Variants in UST observed in about 807,000 individuals in gnomAD.
The protein encoded by UST is uronyl 2-sulfotransferase, also known as chondroitin sulfate 2-O-sulfotransferase.
A neutral mutation model predicts 45.6 loss-of-function variants in UST; 21 were observed. The ratio of observed to expected loss-of-function variants is 0.46; its 90% CI spans 0.33 to 0.66. The LOEUF (loss-of-function observed/expected upper bound fraction) is 0.66, where lower values mean the gene tolerates loss of function less well. Ranked by LOEUF, UST falls within the 30% of genes least tolerant of loss-of-function variation. The pLI is 0.02. For missense variants in UST, 463 were observed against 512.4 expected (o/e 0.90, Z 0.93); for synonymous variants, 215 against 200.6 (o/e 1.07, Z -0.61).
intron 1 of UST, among the ~76,000 whole-genome samples, chr6:148,762,675 A>G (rs924502916): frequency 6.6e-5 from 10 of 151,964 alleles, no homozygotes; most frequent in Admixed American, 1.3e-4. Flanking sequence ...TAATTTTTCA[A>G]TCATCAAGCC....
chr6:148,970,578 CA>C (rs1191811527), intron 5 of UST, among the ~76,000 whole-genome samples: 5 of 152,128 alleles, frequency 3.3e-5, no homozygotes. Context: ...GGAATGAAGA[CA>C]AAAGGATTGC....
intron 3 of UST, among the ~76,000 whole-genome samples, chr6:148,945,992 C>G (rs1031565985): frequency 1.3e-5 from 2 of 152,118 alleles, no homozygotes; most frequent in Admixed American, 1.3e-4. Context: ...GCCCATGTGC[C>G]CTAGATAGCT....
In UST at chr6:148,836,508, A is replaced by T. The variant is rs148726724; in HGVS notation, c.248-50478A>T. ...AACTGATTCCAGCGTTCAGGCACGAACCTTTTCGCTGAGTCGCCTTGGGCC... is the reference window on the plus strand; with the variant it reads ...AACTGATTCCAGCGTTCAGGCACGATCCTTTTCGCTGAGTCGCCTTGGGCC... On this transcript the variant is annotated intron_variant, in intron 1 of 7. Coordinates refer to ENST00000367463, the MANE Select transcript of UST (RefSeq NM_005715.3). 1.1e-4 allele frequency among the ~76,000 whole-genome samples: 17 copies of T among 152,276 alleles called. No homozygotes were observed. The East Asian group carries it at 3.1e-3, about 28-fold the overall frequency.
At chr6:149,065,314 T>C (rs1286896644) in intron 7 of UST, among the ~76,000 whole-genome samples, 2 of 152,198 alleles carry the variant, frequency 1.3e-5, no homozygotes, top group African/African-American at 4.8e-5. Context: ...CCATGTAGCT[T>C]TGTTTTGTTT....
chr6:148,985,867 CAGAT>C (rs1781229799), intron 5 of UST, among the ~76,000 whole-genome samples: 1 of 152,124 alleles, frequency 6.6e-6, no homozygotes, highest in Non-Finnish European at 1.5e-5. Context: ...CTTCAAGATG[CAGAT>C]ACCAAGATGA....
intron 5 of UST, among the ~76,000 whole-genome samples, chr6:149,001,450 T>A (rs1434398180): frequency 1.2e-4 from 18 of 152,160 alleles, no homozygotes; most frequent in Non-Finnish European, 1.5e-5. Context: ...ACACAAGTAT[T>A]TTAGAGTGAA....
chr6:148,900,726 C>G (rs1273470103), intron 2 of UST, among the ~76,000 whole-genome samples: 1 of 152,204 alleles, frequency 6.6e-6, no homozygotes, highest in East Asian at 1.9e-4. Flanking sequence ...ACAATTACAG[C>G]AAGCTTAGTA....
chr6:148,862,068 C>G (rs894970997), intron 1 of UST, among the ~76,000 whole-genome samples: 1 of 150,884 alleles, frequency 6.6e-6, no homozygotes, highest in African/African-American at 2.4e-5. Flanking sequence ...CTTTCTGTCT[C>G]ATGGATCTGT....
rs1245113678 is a variant in UST, at chr6:148,748,539, G to A, written c.247+862G>A. On this transcript the variant is annotated intron_variant, in intron 1 of 7. Coordinates refer to ENST00000367463, the MANE Select transcript of UST (RefSeq NM_005715.3). This position sits in a 1 kb window ranked among gnomAD's most constrained non-coding sequence, Gnocchi z 5.3. ...GAAAGAGCCGCTCCAGCGAGAAGGCGTGACCCCGCAGCTCCCTCGTCTCGG... is the reference window on the plus strand; with the variant it reads ...GAAAGAGCCGCTCCAGCGAGAAGGCATGACCCCGCAGCTCCCTCGTCTCGG... Among the ~76,000 whole-genome samples the A allele has an allele frequency of 3.3e-5, 5 of 151,666 alleles. No homozygotes were observed. Among genetic ancestry groups the A allele is most frequent in the East Asian group, 1.9e-4 (1 of 5,152 alleles).
chr6:148,821,713 C>T (rs146837477), intron 1 of UST, among the ~76,000 whole-genome samples: 243 of 152,266 alleles, frequency 1.6e-3, no homozygotes, highest in Non-Finnish European at 2.5e-3. Context: ...AAATTGGTGC[C>T]AAATGGTGAT....
At chr6:148,773,769 T>G (rs1776477606) in intron 1 of UST, among the ~76,000 whole-genome samples, 1 of 152,170 alleles carries the variant, frequency 6.6e-6, no homozygotes, top group African/African-American at 2.4e-5. Context: ...AATGCCAGGT[T>G]TAGGGCTCAG....
intron 5 of UST, among the ~76,000 whole-genome samples, chr6:148,991,847 G>A (rs1781359887): frequency 6.6e-6 from 1 of 152,060 alleles, no homozygotes; most frequent in Non-Finnish European, 1.5e-5. Context: ...TGAATCCTTA[G>A]ACTACATCAA....
chr6:148,890,643 A>T (rs999656882), intron 2 of UST, among the ~76,000 whole-genome samples: 1 of 152,194 alleles, frequency 6.6e-6, no homozygotes, highest in African/African-American at 2.4e-5. Context: ...GGTGTGCCAC[A>T]CAACACATAC....
At chr6:148,945,916 A>G (rs919063172) in intron 3 of UST, among the ~76,000 whole-genome samples, 3 of 152,226 alleles carry the variant, frequency 2.0e-5, no homozygotes, top group African/African-American at 7.2e-5. Context: ...CTGACCCTCC[A>G]ACAGCTATTC....
At chr6:149,016,196 T>C (rs1041481474) in intron 5 of UST, among the ~76,000 whole-genome samples, 2 of 152,260 alleles carry the variant, frequency 1.3e-5, no homozygotes, top group Non-Finnish European at 2.9e-5. Context: ...TCCCCCAGGA[T>C]GCGTCTTGGT....
chr6:148,964,684 C>G (rs1199543455), intron 5 of UST, 121 bp downstream of exon 5: 1 of 1,316,688 alleles, frequency 7.6e-7, no homozygotes, highest in Non-Finnish European at 1.0e-6. Flanking sequence ...GAGCGTGGCG[C>G]AGAGAGGGTG....
intron 7 of UST, among the ~76,000 whole-genome samples, chr6:149,043,621 A>C (rs892434976): frequency 1.3e-5 from 2 of 152,242 alleles, no homozygotes; most frequent in Non-Finnish European, 2.9e-5. Context: ...GACAGGCGTC[A>C]TCTGACGGAG....
At chr6:148,953,426 T>G (rs1780406834) in intron 3 of UST, among the ~76,000 whole-genome samples, 1 of 152,200 alleles carries the variant, frequency 6.6e-6, no homozygotes, top group Non-Finnish European at 1.5e-5. Context: ...AGGAGCCTTA[T>G]GTAAAACTTG....
chr6:148,791,087 C>T (rs1776838221), intron 1 of UST, among the ~76,000 whole-genome samples: 1 of 152,178 alleles, frequency 6.6e-6, no homozygotes, highest in Non-Finnish European at 1.5e-5. Context: ...CTCTGACTCC[C>T]TCAAGTGCAG....
Sources: allele counts gnomAD v4.1 joint callset (sites outside exome capture counted in the v4.1 genomes callset), GRCh38; gene constraint gnomAD v4.1.1; non-coding constraint Gnocchi (gnomAD v3.1); transcripts MANE v1.5; gene names NCBI Gene and HGNC (gene_info 2026-07-23, HGNC 2026-07-21).